The following MUSK variants were observed in gnomAD, a reference collection of about 807,000 sequenced individuals.
The protein encoded by MUSK is muscle, skeletal receptor tyrosine-protein kinase.
MUSK carries 55 observed loss-of-function variants against 88.7 expected under a neutral mutation model. The ratio of observed to expected loss-of-function variants is 0.62; its 90% confidence interval spans 0.50 to 0.78. The LOEUF (loss-of-function observed/expected upper bound fraction) is 0.78, where lower values mean the gene tolerates loss of function less well. Ranked by LOEUF, MUSK falls within the 30% of genes least tolerant of loss-of-function variation. The pLI, the probability that MUSK is intolerant of heterozygous loss-of-function variation, is 0.00. For synonymous variants in MUSK, 387 were observed against 391.9 expected, an observed-to-expected ratio of 0.99 and a Z score of 0.15; for missense variants, 1,015 against 1,074.3, an observed-to-expected ratio of 0.94 and a Z score of 0.77.
At chr9:110,715,570 C>G (rs1013049690) in intron 5 of MUSK, among the ~76,000 whole-genome samples, 2 of 148,584 alleles carry the variant, frequency 1.3e-5, no homozygotes, top group Admixed American at 6.6e-5. Flanking sequence ...GAGATTTTCT[C>G]AAGATATTGA....
chr9:110,731,967 G>C (rs2076970233), intron 5 of MUSK, among the ~76,000 whole-genome samples: 1 of 100,018 alleles, frequency 1.0e-5, no homozygotes, highest in Non-Finnish European at 2.2e-5. Flanking sequence ...AGAATTTAAA[G>C]TCCCCAAATT....
intron 11 of MUSK, among the ~76,000 whole-genome samples, chr9:110,778,524 A>G (rs1414099851): frequency 6.6e-6 from 1 of 152,118 alleles, no homozygotes; most frequent in Non-Finnish European, 1.5e-5. Flanking sequence ...ACCCAAATCC[A>G]AACTGACTAG....
chr9:110,718,761 C>A (rs2076775729), intron 5 of MUSK, among the ~76,000 whole-genome samples: 1 of 152,022 alleles, frequency 6.6e-6, no homozygotes, highest in Non-Finnish European at 1.5e-5. Context: ...GCAAAAAAAT[C>A]ATTGCCTAGA....
intron 7 of MUSK, among the ~76,000 whole-genome samples, chr9:110,758,431 T>C (rs765079725): frequency 6.6e-6 from 1 of 152,174 alleles, no homozygotes; most frequent in Non-Finnish European, 1.5e-5. Flanking sequence ...AAAGCTCTGC[T>C]GAAGTAAAGA....
intron 11 of MUSK, among the ~76,000 whole-genome samples, chr9:110,781,438 A>G (rs970077001): frequency 9.9e-5 from 15 of 152,058 alleles, no homozygotes; most frequent in South Asian, 4.2e-4. Flanking sequence ...CACCATGCCC[A>G]GCTAATTTTT....
chr9:110,769,809 G>GCC (rs35163493), intron 9 of MUSK, among the ~76,000 whole-genome samples: 25,815 of 152,004 alleles, frequency 0.17, 2,822 homozygotes, highest in Admixed American at 0.31. Flanking sequence ...ATTTGTGGTG[G>GCC]CCACGGGATA....
At chr9:110,682,910 G>A in intron 2 of MUSK, 110 bp downstream of exon 2, 1 of 684,234 alleles carries the variant, frequency 1.5e-6, no homozygotes, top group Non-Finnish European at 2.3e-6. Context: ...GGCATGCAAT[G>A]TAAAATAAGT....
chr9:110,714,387 G>A (rs1048752928), intron 5 of MUSK, among the ~76,000 whole-genome samples: 3 of 152,116 alleles, frequency 2.0e-5, no homozygotes, highest in African/African-American at 7.2e-5. Context: ...GCCATGGGAG[G>A]GAATCCCACA....
At chr9:110,700,733 G>T (rs1587924522) in intron 5 of MUSK, among the ~76,000 whole-genome samples, 2 of 152,166 alleles carry the variant, frequency 1.3e-5, no homozygotes, top group African/African-American at 4.8e-5. Flanking sequence ...GAAATGTGGT[G>T]CTGGATAATG....
At chr9:110,690,210 A>C (rs1564219441) in intron 3 of MUSK, among the ~76,000 whole-genome samples, 1 of 72,954 alleles carries the variant, frequency 1.4e-5, no homozygotes, top group African/African-American at 5.1e-5. Context: ...ATATATAAAT[A>C]TATATTTAAG....
At chr9:110,720,816 G>T (rs2131802743) in intron 5 of MUSK, among the ~76,000 whole-genome samples, 1 of 152,148 alleles carries the variant, frequency 6.6e-6, no homozygotes, top group East Asian at 1.9e-4. Context: ...CAATACACCT[G>T]ATGAACACAG....
chr9:110,694,598 C>T (rs2076407742), intron 3 of MUSK, among the ~76,000 whole-genome samples: 2 of 152,110 alleles, frequency 1.3e-5, no homozygotes, highest in South Asian at 4.1e-4. Context: ...GTCCATTGCT[C>T]AGTAGTCTCT....
chr9:110,787,233 G>GTGCC (rs989611848), intron 13 of MUSK, among the ~76,000 whole-genome samples: 1 of 151,752 alleles, frequency 6.6e-6, no homozygotes, highest in Non-Finnish European at 1.5e-5. Context: ...GTGGTGGCGG[G>GTGCC]TGCCTGTAGA....
intron 1 of MUSK, among the ~76,000 whole-genome samples, chr9:110,673,461 C>A (rs949660868): frequency 3.3e-5 from 5 of 152,150 alleles, no homozygotes; most frequent in African/African-American, 1.2e-4. Flanking sequence ...ATGGCACATA[C>A]CAGATTCTTA....
chr9:110,726,010 T>G (rs976650667), intron 5 of MUSK, among the ~76,000 whole-genome samples: 4 of 152,120 alleles, frequency 2.6e-5, no homozygotes, highest in Admixed American at 2.6e-4. Flanking sequence ...TAACTATACC[T>G]GAGCTTAAAT....
chr9:110,690,165 T>G lies in MUSK; in HGVS notation c.358+2897T>G, dbSNP rs1208113503. 9.2e-5 allele frequency among the ~76,000 whole-genome samples: 9 copies of G among 97,840 alleles called. No individual in the cohort carries two copies. In the South Asian group the frequency reaches 2.1e-3, roughly 23 times the overall value. The allele number at this position is 97,840 out of a possible 152,430, so 64.2% of individuals were successfully genotyped here. A position where few individuals can be genotyped will look rare whatever the true frequency, so the allele number is the denominator to read the frequency against. ...AAATATATATTTAAGTATAAATATA[T>G]AAATATATAAATATATATTTAAGTA... is the stretch of plus-strand genomic sequence containing the variant. On this transcript the variant is annotated intron_variant, in intron 3 of 14. Coordinates refer to ENST00000374448, the MANE Select transcript of MUSK (RefSeq NM_005592.4).
Position 110,687,259 on chromosome 9 carries a change from G to A in MUSK, c.349G>A (p.Val117Met), listed in dbSNP as rs748123050. 2.5e-6 allele frequency: 4 copies of A among 1,613,598 alleles called. No individual in the cohort carries two copies. Among genetic ancestry groups the A allele is most frequent in the Non-Finnish European group, 3.4e-6 (4 of 1,179,724 alleles). Residue 117 changes from valine to methionine, a missense_variant, in exon 3 of 15, where the codon GTG becomes ATG. Transcript: ENST00000374448. ...GAVESCGALQ[V>M]KMKPKITRPP... ...TGTGGAGAGTTGTGGAGCCCTGCAA[G>A]TGAAGATGAGTGAGTGGGAAACAGA...
At chr9:110,703,365 T>C (rs961346333) in intron 5 of MUSK, among the ~76,000 whole-genome samples, 7 of 151,954 alleles carry the variant, frequency 4.6e-5, no homozygotes, top group African/African-American at 1.7e-4. Flanking sequence ...TGTGAAACCC[T>C]GTCTCTATAC....
At chr9:110,737,427 T>C (rs1280391022) in intron 6 of MUSK, among the ~76,000 whole-genome samples, 1 of 152,080 alleles carries the variant, frequency 6.6e-6, no homozygotes, top group African/African-American at 2.4e-5. Flanking sequence ...GTTTCCCTTA[T>C]ATTGAACCAT....
Sources: allele counts gnomAD v4.1 joint callset (sites outside exome capture counted in the v4.1 genomes callset), GRCh38; gene constraint gnomAD v4.1.1; transcripts MANE v1.5; gene names NCBI Gene and HGNC (gene_info 2026-07-23, HGNC 2026-07-21).